The following NLRC4 variants were observed in gnomAD, a reference collection of about 807,000 sequenced individuals.
NLRC4 encodes NLR family CARD domain-containing protein 4.
A neutral mutation model predicts 79.9 loss-of-function variants in NLRC4; 63 were observed. That is an observed-to-expected ratio of 0.79 (90% CI 0.64 to 0.97). NLRC4 has a LOEUF of 0.97. Among genes scored for constraint, NLRC4 ranks in the 50% least tolerant of loss-of-function variants. The probability of loss-of-function intolerance (pLI) is 0.00; values close to 1 mark genes in which losing one functional copy is unlikely to be tolerated. For missense variants in NLRC4, 1,074 were observed against 1,215.2 expected (o/e 0.88, Z 1.73); for synonymous variants, 461 against 456.5 (o/e 1.01, Z -0.12).
At chr2:32,232,474 A>G (rs758881623) in intron 8 of NLRC4, among the ~76,000 whole-genome samples, 11 of 152,170 alleles carry the variant, frequency 7.2e-5, no homozygotes, top group Non-Finnish European at 1.3e-4. Context: ...ATTTCATTTC[A>G]TACCTCTCAT....
At chr2:32,259,535 A>T (rs930778109) in intron 1 of NLRC4, among the ~76,000 whole-genome samples, 10 of 152,046 alleles carry the variant, frequency 6.6e-5, no homozygotes, top group African/African-American at 2.2e-4. Context: ...GTACACTTCT[A>T]TGTTCATATA....
At position 32,256,839 on chromosome 2, in the gene NLRC4, A is replaced by G. The variant is rs569036080; in HGVS notation, c.-64T>C. On this transcript the variant is annotated 5_prime_UTR_variant, in exon 2 of 9. Transcript: ENST00000402280. ...TAGAAAATATTATTTCCAAATGGAA[A>G]GGTCAAAGGTGATCCCAATATTGTC... The G allele has an allele frequency of 2.6e-6, 2 of 775,366 alleles. No individual in the cohort carries two copies. The highest frequency in any genetic ancestry group is 1.7e-5 in the African/African-American group (1 of 59,106). The allele number at this position is 775,366 out of a possible 1,614,324, so 48.0% of individuals were successfully genotyped here. A position where few individuals can be genotyped will look rare whatever the true frequency, so the allele number is the denominator to read the frequency against.
chr2:32,233,349 A>ATATT (rs1418146489), intron 8 of NLRC4, among the ~76,000 whole-genome samples: 109 of 41,082 alleles, frequency 2.7e-3, no homozygotes, highest in African/African-American at 3.9e-3. Flanking sequence ...ATATATATAT[A>ATATT]TTTTTTTTTT....
In NLRC4 at chr2:32,250,433, C is replaced by T. The variant is rs763192150; in HGVS notation, c.1431G>A (p.Met477Ile). The part of the protein sequence containing the change: ...VTKGNGYLQK[M>I]VSISDITSTY... ...TGGATGTAATGTCCGAAATGGAAAC[C>T]ATTTTCTGCAAGTAACCATTCCCCT... Residue 477 changes from methionine to isoleucine, a missense_variant, in exon 4 of 9, where the codon ATG becomes ATA. Coordinates refer to ENST00000402280, the MANE Select transcript of NLRC4 (RefSeq NM_001199138.2). This position sits in a 1 kb window ranked among gnomAD's most constrained non-coding sequence, Gnocchi z 4.9. The T allele has an allele frequency of 1.2e-6, 2 of 1,614,180 alleles. No individual in the cohort carries two copies. Among genetic ancestry groups the T allele is most frequent in the South Asian group, 2.2e-5 (2 of 91,082 alleles).
chr2:32,230,315 G>A (rs916931755), intron 8 of NLRC4, among the ~76,000 whole-genome samples: 16 of 152,154 alleles, frequency 1.1e-4, no homozygotes, highest in Admixed American at 8.5e-4. Flanking sequence ...GAAATATTAA[G>A]AGAGATTGTG....
chr2:32,243,105 G>A (rs1464788005), intron 4 of NLRC4, among the ~76,000 whole-genome samples: 3 of 151,344 alleles, frequency 2.0e-5, no homozygotes, highest in Non-Finnish European at 2.9e-5. Context: ...AGGGAAGGAC[G>A]GAAAAGAAAA....
chr2:32,262,234 C>G (rs769275208), intron 1 of NLRC4, among the ~76,000 whole-genome samples: 3 of 152,160 alleles, frequency 2.0e-5, no homozygotes, highest in Admixed American at 6.5e-5. Flanking sequence ...GACTGGCACA[C>G]AGGAAGGACT....
At chr2:32,259,807 C>T (rs1463774275) in intron 1 of NLRC4, among the ~76,000 whole-genome samples, 1 of 152,162 alleles carries the variant, frequency 6.6e-6, no homozygotes, top group Non-Finnish European at 1.5e-5. Flanking sequence ...TTCACATAAA[C>T]GGAATCATAC....
intron 1 of NLRC4, among the ~76,000 whole-genome samples, chr2:32,261,599 C>G (rs1687352461): frequency 6.6e-6 from 1 of 150,886 alleles, no homozygotes; most frequent in African/African-American, 2.4e-5. Flanking sequence ...CGTGAGCCAC[C>G]ATGCCCGGCC....
intron 2 of NLRC4, among the ~76,000 whole-genome samples, chr2:32,255,505 A>C (rs1341826166): frequency 7.3e-6 from 1 of 136,588 alleles, no homozygotes; most frequent in Non-Finnish European, 1.6e-5. Context: ...GGGCAACAAG[A>C]GCAAAACTCC....
At chr2:32,253,874 G>A (rs963669789) in intron 2 of NLRC4, among the ~76,000 whole-genome samples, 3 of 148,790 alleles carry the variant, frequency 2.0e-5, no homozygotes, top group African/African-American at 5.0e-5. Flanking sequence ...TGAGGCAGGA[G>A]AATCGCTTGA....
intron 1 of NLRC4, among the ~76,000 whole-genome samples, chr2:32,261,759 T>G (rs753864378): frequency 1.3e-5 from 2 of 152,106 alleles, no homozygotes; most frequent in Non-Finnish European, 2.9e-5. Flanking sequence ...ATGTTAAAAC[T>G]GATTCATTAA....
chr2:32,238,423 A>G (rs964998159), intron 5 of NLRC4, 121 bp from the exon 6 acceptor site: 8 of 777,390 alleles, frequency 1.0e-5, no homozygotes, highest in Non-Finnish European at 1.6e-5. Flanking sequence ...TTCTTCCTGC[A>G]GCGACTTTAA....
chr2:32,263,952 A>C (rs775542499), intron 1 of NLRC4, among the ~76,000 whole-genome samples: 1 of 152,164 alleles, frequency 6.6e-6, no homozygotes, highest in Non-Finnish European at 1.5e-5. Flanking sequence ...GGCTGCAAGG[A>C]TCTACTGAGA....
intron 8 of NLRC4, among the ~76,000 whole-genome samples, chr2:32,231,661 C>A (rs1441634560): frequency 6.6e-6 from 1 of 150,858 alleles, no homozygotes; most frequent in Non-Finnish European, 1.5e-5. Context: ...CCTCAACTTC[C>A]TGAGCTCAAG....
At chr2:32,226,305 G>T (rs1686394966) in intron 8 of NLRC4, among the ~76,000 whole-genome samples, 1 of 152,220 alleles carries the variant, frequency 6.6e-6, no homozygotes, top group Non-Finnish European at 1.5e-5. Flanking sequence ...TGTGTAGTTT[G>T]TTCAGTGCAA....
intron 4 of NLRC4, among the ~76,000 whole-genome samples, chr2:32,246,654 T>G (rs774304250): frequency 6.6e-6 from 1 of 152,200 alleles, no homozygotes; most frequent in Non-Finnish European, 1.5e-5. Flanking sequence ...TCCTTTAGTG[T>G]TATTTGGAAT....
intron 4 of NLRC4, among the ~76,000 whole-genome samples, chr2:32,241,630 G>A (rs964416879): frequency 3.3e-4 from 50 of 152,030 alleles, no homozygotes; most frequent in Middle Eastern, 3.4e-3. Flanking sequence ...CGCCTGCCTC[G>A]GCCTCCCGAA....
chr2:32,233,343 ATATATATTTT>A (rs1358885292), intron 8 of NLRC4, among the ~76,000 whole-genome samples: 1 of 54,816 alleles, frequency 1.8e-5, no homozygotes, highest in South Asian at 4.8e-4. Context: ...ATATATATAT[ATATATATTTT>A]TTTTTTTTTT....
Sources: gnomAD v4.1 joint callset for allele counts (sites outside exome capture counted in the v4.1 genomes callset) on GRCh38, gnomAD v4.1.1 for gene constraint, Gnocchi (gnomAD v3.1) non-coding constraint, MANE v1.5 for transcripts, NCBI Gene and HGNC (gene_info 2026-07-23, HGNC 2026-07-21) for gene names.